Variants in MALRD1 observed in about 807,000 individuals in gnomAD.
MALRD1 encodes MAM and LDL receptor class A domain containing 1.
A neutral mutation model predicts 242.1 loss-of-function variants in MALRD1; 247 were observed. That is an observed-to-expected ratio of 1.02 (90% confidence interval 0.92 to 1.13). The LOEUF (loss-of-function observed/expected upper bound fraction) is 1.13. Among genes scored for constraint, MALRD1 ranks in the 50% most tolerant of loss-of-function variants. The pLI, the probability that MALRD1 is intolerant of heterozygous loss-of-function variation, is 0.00. For synonymous variants in MALRD1, 995 were observed against 866.6 expected (o/e 1.15, Z -2.60); for missense variants, 2,989 against 2,533.1 (o/e 1.18, Z -3.86).
Position 19,270,320 on chromosome 10 carries a change from TCTCTC to T in MALRD1, c.3080-9726_3080-9722del, listed in dbSNP as rs1564517345. On this transcript the variant is annotated intron_variant, in intron 19 of 39. Transcript: ENST00000454679. ...ACAGTGAGACTGTCTCTCTCTCTTC[TCTCTC>T]TCTCTCTCTCTCACACACACACACA... Among the ~76,000 whole-genome samples the T allele has an allele frequency of 9.0e-3, 868 of 96,494 alleles. 14 individuals carry two copies. Among genetic ancestry groups the T allele is most frequent in the African/African-American group, 0.041 (808 of 19,484 alleles). The allele number at this position is 96,494 out of a possible 152,430, so 63.3% of individuals were successfully genotyped here.
chr10:19,135,684 T>A (rs1833310827), intron 9 of MALRD1, among the ~76,000 whole-genome samples: 1 of 152,222 alleles, frequency 6.6e-6, no homozygotes, highest in Non-Finnish European at 1.5e-5. Flanking sequence ...CTGAGGGAAC[T>A]AAATTTTATT....
chr10:19,504,828 G>A (rs1251134166), intron 31 of MALRD1, among the ~76,000 whole-genome samples: 1 of 150,744 alleles, frequency 6.6e-6, no homozygotes, highest in Non-Finnish European at 1.5e-5. Flanking sequence ...GACTACAGGC[G>A]CCCGCCACCG....
intron 21 of MALRD1, among the ~76,000 whole-genome samples, chr10:19,320,215 T>G (rs1842866433): frequency 6.6e-6 from 1 of 151,902 alleles, no homozygotes; most frequent in South Asian, 2.1e-4. Context: ...ATGCTCTCCC[T>G]CCCCTTACCC....
At position 19,520,876 on chromosome 10, in the gene MALRD1, A is replaced by G. The variant is rs1833849377; in HGVS notation, c.5321-10318A>G. ...TGGTCTGAAAATATGAACCCCTTCT[A>G]TTCATCCACATGTACCATCTGAATC... On this transcript the variant is annotated intron_variant, in intron 31 of 39. Transcript: ENST00000454679. Among the ~76,000 whole-genome samples, 5 of 152,294 alleles carry G rather than the reference A, an allele frequency of 3.3e-5. No individual in the cohort carries two copies. In the South Asian group the frequency reaches 1.0e-3, roughly 32 times the overall value.
intron 34 of MALRD1, among the ~76,000 whole-genome samples, chr10:19,606,085 T>C (rs1838607336): frequency 6.6e-6 from 1 of 152,134 alleles, no homozygotes; most frequent in South Asian, 2.1e-4. Flanking sequence ...AAATATATTT[T>C]AATGGGCCAT....
At chr10:19,070,710 G>A (rs2358281) in intron 2 of MALRD1, among the ~76,000 whole-genome samples, 80,993 of 151,392 alleles carry the variant, frequency 0.53, 21,753 homozygotes, top group Middle Eastern at 0.6. Flanking sequence ...GTTCTTTGTC[G>A]TATAATTTTG....
chr10:19,278,797 A>G (rs1368220996), intron 19 of MALRD1, among the ~76,000 whole-genome samples: 4 of 152,232 alleles, frequency 2.6e-5, no homozygotes, highest in Admixed American at 1.3e-4. Flanking sequence ...AGGGTAAACA[A>G]GCTTTATCCC....
At chr10:19,502,311 T>C (rs1286858226) in intron 31 of MALRD1, among the ~76,000 whole-genome samples, 1 of 152,112 alleles carries the variant, frequency 6.6e-6, no homozygotes, top group African/African-American at 2.4e-5. Context: ...CAGAGTAATG[T>C]TAAAGCCATC....
intron 36 of MALRD1, among the ~76,000 whole-genome samples, chr10:19,678,284 A>G (rs1339893281): frequency 6.6e-6 from 1 of 152,136 alleles, no homozygotes; most frequent in Non-Finnish European, 1.5e-5. Flanking sequence ...CACAATATTG[A>G]TTCTTCCTAT....
At chr10:19,099,554 T>G (rs1398820585) in intron 4 of MALRD1, among the ~76,000 whole-genome samples, 1 of 152,116 alleles carries the variant, frequency 6.6e-6, no homozygotes, top group Non-Finnish European at 1.5e-5. Context: ...ATCTCTCCTA[T>G]GATCCACTTT....
chr10:19,348,166 A>C, intron 25 of MALRD1, 148 bp downstream of exon 25: 1 of 1,077,652 alleles, frequency 9.3e-7, no homozygotes, highest in Non-Finnish European at 1.3e-6. Flanking sequence ...AGGGGGGAAA[A>C]AATGAAGTTC....
chr10:19,475,315 T>C (rs1186561168), intron 29 of MALRD1, among the ~76,000 whole-genome samples: 1 of 152,138 alleles, frequency 6.6e-6, no homozygotes, highest in East Asian at 1.9e-4. Context: ...CTCTGGAGGC[T>C]GAGGCAGGAG....
At chr10:19,281,242 A>G (rs899687282) in intron 20 of MALRD1, among the ~76,000 whole-genome samples, 5 of 152,222 alleles carry the variant, frequency 3.3e-5, no homozygotes, top group African/African-American at 1.2e-4. Flanking sequence ...TGCATCACAG[A>G]TGGAAAATAA....
At position 19,283,081 on chromosome 10, in the gene MALRD1, C is replaced by T. The variant is rs745362755; in HGVS notation, c.3319C>T (p.His1107Tyr). ...LCKWYQPIPV[H>Y]LLQDSNTFRW... ...TAAATGGTATCAACCAATCCCAGTA[C>T]ATTTGCTTCAAGATTCAAACACATT... Residue 1107 changes from histidine (H) to tyrosine (Y), a missense_variant, in exon 21 of 40, where the codon CAT becomes TAT. Physicochemically the swap from His to Tyr is moderately conservative, Grantham distance 83. Transcript: ENST00000454679. 4.5e-6 allele frequency: 7 copies of T among 1,550,096 alleles called. No individual in the cohort carries two copies. The highest frequency in any genetic ancestry group is 2.4e-5 in the East Asian group (1 of 40,882).
chr10:19,528,591 CTAAA>C (rs531955263), intron 31 of MALRD1, among the ~76,000 whole-genome samples: 199 of 152,094 alleles, frequency 1.3e-3, no homozygotes, highest in African/African-American at 4.3e-3. Context: ...GACTCCGTCT[CTAAA>C]TAAATAAAGA....
intron 25 of MALRD1, among the ~76,000 whole-genome samples, chr10:19,350,358 C>T (rs908854108): frequency 2.7e-5 from 4 of 148,062 alleles, no homozygotes; most frequent in Non-Finnish European, 5.9e-5. Flanking sequence ...GCAACCTCTG[C>T]CTCCCAGGTT....
rs577258154 is a variant in MALRD1 at position 19,403,003 on chromosome 10, TAG to T, written c.4845+13396_4845+13397del. 2.5e-4 allele frequency among the ~76,000 whole-genome samples: 11 copies of T among 43,428 alleles called. No individual in the cohort carries two copies. The East Asian group carries it at 6.9e-3, about 27-fold the overall frequency. The allele number at this position is 43,428 out of a possible 152,430, so 28.5% of individuals were successfully genotyped here. ...GGCTCATTGTAGACTCATATAATGT[TAG>T]AAAAAAATAAGACATTTATAGTGCT... On this transcript the variant is annotated intron_variant, in intron 28 of 39. Coordinates refer to ENST00000454679, the MANE Select transcript of MALRD1 (RefSeq NM_001142308.3).
chr10:19,709,029 A>AT lies in MALRD1; in HGVS notation c.6314+16481dup, dbSNP rs1833992656. Among the ~76,000 whole-genome samples the AT allele has an allele frequency of 8.1e-5, 9 of 111,562 alleles. 2 individuals are homozygous for AT. In the South Asian group the frequency reaches 2.4e-3, roughly 30 times the overall value. The allele number at this position is 111,562 out of a possible 152,430, so 73.2% of individuals were successfully genotyped here. A position where few individuals can be genotyped will look rare whatever the true frequency, so the allele number is the denominator to read the frequency against. On this transcript the variant is annotated intron_variant, in intron 38 of 39. Coordinates refer to ENST00000454679, the MANE Select transcript of MALRD1 (RefSeq NM_001142308.3). The stretch of plus-strand genomic sequence containing the variant: ...CATGGATAAGCCTTTTTTTTTTTTC[A>AT]TTTTTTGAAATTGTCTTTTTACTTT...
Position 19,209,274 on chromosome 10 carries a change from A to G in MALRD1, c.2585A>G (p.Glu862Gly). 1 of 1,531,292 alleles carries G rather than the reference A, an allele frequency of 6.5e-7. No homozygotes were observed. The highest frequency in any genetic ancestry group is 8.8e-7 in the Non-Finnish European group (1 of 1,139,288). 94.9% of individuals were successfully genotyped at this position (1,531,292 alleles called of 1,614,324 possible). A position where few individuals can be genotyped will look rare whatever the true frequency, so the allele number is the denominator to read the frequency against. The part of the protein sequence containing the change: ...DRTDEVNCAP[E>G]LQCNFETGIC... ...TATTTCATGTGAATTTCAGCACCTG[A>G]GCTGCAGTGTAACTTTGAAACTGGA... The change falls in exon 18 of 40, where the codon GAG becomes GGG. Residue 862 changes from glutamate (E) to glycine (G), a missense_variant. Coordinates refer to ENST00000454679, the MANE Select transcript of MALRD1 (RefSeq NM_001142308.3).
Sources: allele counts gnomAD v4.1 joint callset (sites outside exome capture counted in the v4.1 genomes callset), GRCh38; gene constraint gnomAD v4.1.1; transcripts MANE v1.5; gene names NCBI Gene and HGNC (gene_info 2026-07-23, HGNC 2026-07-21).